Variants in CCDC33 observed in about 807,000 individuals in gnomAD.
CCDC33 encodes coiled-coil domain-containing protein 33.
A neutral mutation model predicts 91.9 loss-of-function variants in CCDC33; 94 were observed. That is an observed-to-expected ratio of 1.02 (90% CI 0.87 to 1.21). The LOEUF (loss-of-function observed/expected upper bound fraction) is 1.21, where lower values mean the gene tolerates loss of function less well. CCDC33 is among the 50% of genes most tolerant of loss of function. The probability of loss-of-function intolerance (pLI) is 0.00; values close to 1 mark genes in which losing one functional copy is unlikely to be tolerated. For synonymous variants in CCDC33, 396 were observed against 374.5 expected (o/e 1.06, Z -0.66); for missense variants, 940 against 935.5 (o/e 1.00, Z -0.06).
At position 74,244,934 on chromosome 15, in the gene CCDC33, C is replaced by T. The variant is rs1020975789; in HGVS notation, c.185+786C>T. On this transcript the variant is annotated intron_variant, in intron 2 of 18. Transcript: ENST00000398814. The surrounding 1 kb of genome is among the most constrained non-coding windows in gnomAD (Gnocchi z 4.2). ...AAGCCACCCTATACTTCCCCTCCCCCACCAATACTGGCACCATTCAGTTCC... is the reference window on the plus strand; with the variant it reads ...AAGCCACCCTATACTTCCCCTCCCCTACCAATACTGGCACCATTCAGTTCC... Among the ~76,000 whole-genome samples, 11 of 152,204 alleles carry T rather than the reference C, an allele frequency of 7.2e-5. No individual in the cohort carries two copies. Among genetic ancestry groups the T allele is most frequent in the African/African-American group, 2.4e-4 (10 of 41,440 alleles).
intron 5 of CCDC33, among the ~76,000 whole-genome samples, chr15:74,269,012 A>G (rs1382914598): frequency 6.6e-6 from 1 of 152,226 alleles, no homozygotes; most frequent in Non-Finnish European, 1.5e-5. Flanking sequence ...CTGTTTACAG[A>G]GCCTCTTCCA....
intron 11 of CCDC33, chr15:74,304,150 C>G (rs974156431): frequency 1.3e-5 from 2 of 152,316 alleles, no homozygotes; most frequent in African/African-American, 4.8e-5. Context: ...CTCTCTGCTC[C>G]TGTCTCCTCA....
chr15:74,297,176 G>A (rs2059705208), intron 11 of CCDC33, among the ~76,000 whole-genome samples: 1 of 152,194 alleles, frequency 6.6e-6, no homozygotes, highest in Non-Finnish European at 1.5e-5. Context: ...TCCTGCTCAG[G>A]CACCACAGCA....
At chr15:74,205,080 A>G (rs1478092062) in intron 1 of CCDC33, among the ~76,000 whole-genome samples, 4 of 152,300 alleles carry the variant, frequency 2.6e-5, no homozygotes, top group African/African-American at 9.6e-5. Flanking sequence ...GGCTTAGGGG[A>G]GACAACACCA....
chr15:74,325,233 G>A (rs1476047117), intron 11 of CCDC33, among the ~76,000 whole-genome samples: 2 of 131,414 alleles, frequency 1.5e-5, no homozygotes, highest in African/African-American at 5.3e-5. Flanking sequence ...CCTGCAGGAT[G>A]GAATCCAAGC....
At chr15:74,205,935 T>C (rs1567202578) in intron 1 of CCDC33, among the ~76,000 whole-genome samples, 1 of 152,214 alleles carries the variant, frequency 6.6e-6, no homozygotes, top group African/African-American at 2.4e-5. Flanking sequence ...AGCTGGAAGG[T>C]CCAGAGGTAA....
At chr15:74,217,286 G>C (rs778866139) in exon 1 of CCDC33, 2 of 1,277,326 alleles carry the variant, frequency 1.6e-6, no homozygotes, top group African/African-American at 1.5e-5. Context: ...CATTCAGGGG[G>C]CCTGAACCCT....
chr15:74,329,666 G>C (rs2060385776), intron 11 of CCDC33, among the ~76,000 whole-genome samples: 1 of 148,646 alleles, frequency 6.7e-6, no homozygotes, highest in Admixed American at 6.6e-5. Context: ...GGTCTCCCAG[G>C]GTGACCTTGG....
chr15:74,219,793 G>A (rs182614987), intron 2 of CCDC33, among the ~76,000 whole-genome samples: 2 of 152,276 alleles, frequency 1.3e-5, no homozygotes, highest in Admixed American at 6.5e-5. Context: ...TAAGACTTAG[G>A]GATAGCAATA....
chr15:74,247,556 TGGA>T, intron 2 of CCDC33, among the ~76,000 whole-genome samples: 1 of 152,280 alleles, frequency 6.6e-6, no homozygotes, highest in Middle Eastern at 3.4e-3. Context: ...CAGATGAGCC[TGGA>T]GGACGTTATG....
rs141339735 is a variant in CCDC33 at position 74,268,219 on chromosome 15, T to C, written c.430-123T>C. 1.5e-3 allele frequency: 1,103 copies of C among 716,222 alleles called. 7 individuals carry two copies. The African/African-American group carries it at 0.017, about 11-fold the overall frequency. The allele number at this position is 716,222 out of a possible 1,614,324, so 44.4% of individuals were successfully genotyped here. A position where few individuals can be genotyped will look rare whatever the true frequency, so the allele number is the denominator to read the frequency against. ...TCACAGGGACCATGAGCTTTAATTA[T>C]CAGCTCGGAGCCCCAGCGGAGCAAT... On this transcript the variant is annotated intron_variant, in intron 4 of 18. Coordinates refer to ENST00000398814, the MANE Select transcript of CCDC33 (RefSeq NM_025055.5).
intron 7 of CCDC33, among the ~76,000 whole-genome samples, chr15:74,273,180 G>A (rs567302313): frequency 1.5e-3 from 226 of 152,338 alleles, no homozygotes; most frequent in African/African-American, 4.9e-3. Context: ...CACATCAGAG[G>A]AGAAGATACA....
chr15:74,281,690 C>A lies in CCDC33; in HGVS notation c.1024-88C>A, dbSNP rs1011958416. ...TCCTGGGTGCAGCCCGCAGGTGACA[C>A]CTTCCAGAGAAATCTAGAACAGTAG... On this transcript the variant is annotated intron_variant, in intron 9 of 18. Coordinates refer to ENST00000398814, the MANE Select transcript of CCDC33 (RefSeq NM_025055.5). 6.6e-6 allele frequency: 8 copies of A among 1,220,156 alleles called. No individual in the cohort carries two copies. The Middle Eastern group carries it at 1.6e-3, about 250-fold the overall frequency. 75.6% of individuals were successfully genotyped at this position (1,220,156 alleles called of 1,614,324 possible).
At chr15:74,237,853 G>A (rs2075219890) in intron 1 of CCDC33, among the ~76,000 whole-genome samples, 1 of 152,204 alleles carries the variant, frequency 6.6e-6, no homozygotes, top group African/African-American at 2.4e-5. Context: ...CGCCTATAAG[G>A]ATGCTCATCA....
At chr15:74,323,867 G>A (rs573035128) in intron 11 of CCDC33, among the ~76,000 whole-genome samples, 9 of 150,776 alleles carry the variant, frequency 6.0e-5, no homozygotes, top group Non-Finnish European at 1.0e-4. Context: ...CAAGGTGGGC[G>A]GATCATGAGG....
At chr15:74,298,284 G>T (rs964354370) in intron 11 of CCDC33, among the ~76,000 whole-genome samples, 2 of 152,190 alleles carry the variant, frequency 1.3e-5, no homozygotes, top group Non-Finnish European at 2.9e-5. Flanking sequence ...TGGTGGTGAT[G>T]ATGGTGATGA....
chr15:74,268,561 G>T, intron 5 of CCDC33, 103 bp downstream of exon 5: 1 of 847,026 alleles, frequency 1.2e-6, no homozygotes, highest in Admixed American at 1.9e-5. Context: ...CTGACCTGAG[G>T]GTGTGGAGCA....
intron 1 of CCDC33, among the ~76,000 whole-genome samples, chr15:74,239,026 G>C (rs2075266252): frequency 1.3e-5 from 2 of 152,196 alleles, no homozygotes; most frequent in Admixed American, 1.3e-4. Context: ...AAGGAACATG[G>C]GGGACCATTT....
intron 3 of CCDC33, among the ~76,000 whole-genome samples, chr15:74,265,506 T>C (rs2076142939): frequency 6.6e-6 from 1 of 152,198 alleles, no homozygotes; most frequent in Non-Finnish European, 1.5e-5. Flanking sequence ...TCATCTACTT[T>C]CTAGATGTGT....
Sources: gnomAD v4.1 joint callset for allele counts (sites outside exome capture counted in the v4.1 genomes callset) on GRCh38, gnomAD v4.1.1 for gene constraint, Gnocchi (gnomAD v3.1) non-coding constraint, MANE v1.5 for transcripts, NCBI Gene and HGNC (gene_info 2026-07-23, HGNC 2026-07-21) for gene names.